PIEZO2: variants seen among roughly 807,000 people sequenced by gnomAD.
PIEZO2 encodes piezo type mechanosensitive ion channel component 2.
A neutral mutation model predicts 337.3 loss-of-function variants in PIEZO2; 172 were observed. The observed-to-expected ratio is 0.51, with a 90% CI of 0.45 to 0.58. PIEZO2 has a LOEUF of 0.58. PIEZO2 is among the 20% of genes least tolerant of loss of function. The probability of loss-of-function intolerance (pLI) is 0.00; values close to 1 mark genes in which losing one functional copy is unlikely to be tolerated. For missense variants in PIEZO2, 3,028 were observed against 3,391.3 expected, an observed-to-expected ratio of 0.89 and a Z score of 2.66; for synonymous variants, 1,251 against 1,228.5, an observed-to-expected ratio of 1.02 and a Z score of -0.38.
chr18:10,707,576 C>A lies in PIEZO2; in HGVS notation c.5588+699G>T, dbSNP rs1391971603. Reference sequence around the variant, plus strand: ...TGCTGACTTCATTGTGCCCCCTCACCATCCTAAGGCAATTCAAAAAGAGTT... The same window carrying A: ...TGCTGACTTCATTGTGCCCCCTCACAATCCTAAGGCAATTCAAAAAGAGTT... On this transcript the variant is annotated intron_variant, in intron 40 of 55. Coordinates refer to ENST00000674853, the MANE Select transcript of PIEZO2 (RefSeq NM_001378183.1). This position sits in a 1 kb window ranked among gnomAD's most constrained non-coding sequence, Gnocchi z 4.2. 6.6e-6 allele frequency among the ~76,000 whole-genome samples: 1 copy of A among 152,190 alleles called. No homozygotes were observed. The highest frequency in any genetic ancestry group is 1.5e-5 in the Non-Finnish European group (1 of 68,038).
intron 47 of PIEZO2, among the ~76,000 whole-genome samples, chr18:10,691,782 C>CACACACACACACACAT: frequency 3.1e-5 from 3 of 96,644 alleles, no homozygotes; most frequent in East Asian, 4.3e-4. Context: ...CACACACACA[C>CACACACACACACACAT]ATATATATAT....
intron 7 of PIEZO2, among the ~76,000 whole-genome samples, chr18:10,817,977 A>T (rs551865468): frequency 1.3e-5 from 2 of 151,930 alleles, no homozygotes; most frequent in South Asian, 4.2e-4. Flanking sequence ...CTATTACCTG[A>T]ATTAAACGTT....
At chr18:10,718,384 T>C in intron 36 of PIEZO2, 125 bp from the exon 37 acceptor site, 4 of 779,998 alleles carry the variant, frequency 5.1e-6, no homozygotes, top group Non-Finnish European at 8.3e-6. Context: ...CAAGAGTTCC[T>C]TGGGGAAAGG....
In PIEZO2 at chr18:10,794,775, G is replaced by A. The variant is rs2039518687; in HGVS notation, c.1755C>T (p.Ser585=). The A allele has an allele frequency of 6.6e-7, 1 of 1,522,310 alleles. No homozygotes were observed. The highest frequency in any genetic ancestry group is 8.8e-7 in the Non-Finnish European group (1 of 1,136,764). 94.3% of individuals were successfully genotyped at this position (1,522,310 alleles called of 1,614,324 possible). The change falls in exon 13 of 56, where the codon TCC becomes TCT. Residue 585 remains serine, a synonymous_variant. Coordinates refer to ENST00000674853, the MANE Select transcript of PIEZO2 (RefSeq NM_001378183.1). This position sits in a 1 kb window ranked among gnomAD's most constrained non-coding sequence, Gnocchi z 6.6. ...TTATTGTATTCTATTCACTTACTTT[G>A]GAAGCAAGTTCTCCTGGCTCTTTCT... is the stretch of plus-strand genomic sequence containing the variant. ...LEKKEPGELA[S]KILFTITFWL...
intron 4 of PIEZO2, among the ~76,000 whole-genome samples, chr18:10,906,978 G>A (rs977245090): frequency 1.3e-5 from 2 of 152,138 alleles, no homozygotes; most frequent in African/African-American, 4.8e-5. Context: ...TTAAAATCCA[G>A]TCTGAAATTG....
intron 9 of PIEZO2, among the ~76,000 whole-genome samples, chr18:10,803,319 C>A (rs1386595845): frequency 6.6e-6 from 1 of 152,108 alleles, no homozygotes; most frequent in Non-Finnish European, 1.5e-5. Flanking sequence ...TCAGAAAAGT[C>A]CACAAATATT....
At chr18:10,958,838 C>A (rs1374653790) in intron 3 of PIEZO2, among the ~76,000 whole-genome samples, 1 of 152,040 alleles carries the variant, frequency 6.6e-6, no homozygotes, top group African/African-American at 2.4e-5. Context: ...AATTTGGCCA[C>A]TTTGATATAA....
At chr18:10,939,420 T>C (rs995717641) in intron 3 of PIEZO2, among the ~76,000 whole-genome samples, 4 of 148,474 alleles carry the variant, frequency 2.7e-5, no homozygotes, top group Non-Finnish European at 6.0e-5. Flanking sequence ...TTACTGGGTA[T>C]ATACCCAAAG....
rs2040713171 is a variant in PIEZO2 at position 11,143,437 on chromosome 18, G to A, written c.64+5088C>T. Among the ~76,000 whole-genome samples the A allele has an allele frequency of 6.6e-6, 1 of 152,060 alleles. No individual in the cohort carries two copies. Among genetic ancestry groups the A allele is most frequent in the Admixed American group, 6.6e-5 (1 of 15,266 alleles). On this transcript the variant is annotated intron_variant, in intron 1 of 55. Transcript: ENST00000674853. This position sits in a 1 kb window ranked among gnomAD's most constrained non-coding sequence, Gnocchi z 4.9. The stretch of plus-strand genomic sequence containing the variant: ...ACATTAAATAAAGACTACAAAAATG[G>A]TGCTGAAAAACAAAAGCAAACGTTA...
rs2040146802 is a variant in PIEZO2, at chr18:11,125,115, T to G, written c.64+23410A>C. On this transcript the variant is annotated intron_variant, in intron 1 of 55. Transcript: ENST00000674853. The surrounding 1 kb of genome is among the most constrained non-coding windows in gnomAD (Gnocchi z 4.4). ...ATGTAAAATCTAGAGTCATACCCATTTCACAGAGCATTTGCAAATATTAAA... is the reference window on the plus strand; with the variant it reads ...ATGTAAAATCTAGAGTCATACCCATGTCACAGAGCATTTGCAAATATTAAA... 6.6e-6 allele frequency among the ~76,000 whole-genome samples: 1 copy of G among 151,912 alleles called. No individual in the cohort carries two copies. Among genetic ancestry groups the G allele is most frequent in the Non-Finnish European group, 1.5e-5 (1 of 68,022 alleles).
At chr18:11,005,717 A>G (rs1332369760) in intron 2 of PIEZO2, among the ~76,000 whole-genome samples, 2 of 152,226 alleles carry the variant, frequency 1.3e-5, no homozygotes, top group Non-Finnish European at 2.9e-5. Context: ...TTTCCCACAA[A>G]GAACACACAC....
chr18:10,693,955 T>C (rs1298735026), intron 47 of PIEZO2, among the ~76,000 whole-genome samples: 1 of 152,168 alleles, frequency 6.6e-6, no homozygotes, highest in East Asian at 1.9e-4. Flanking sequence ...AATTATAATA[T>C]TTGTACAAGC....
At position 10,795,875 on chromosome 18, in the gene PIEZO2, A is replaced by G. The variant is rs1213488495; in HGVS notation, c.1528-873T>C. ...AAGAATATTAGGTTTCTCAAAAATA[A>G]ATCAAATTTCCTAAGAAAATTTGTT... is the stretch of plus-strand genomic sequence containing the variant. On this transcript the variant is annotated intron_variant, in intron 12 of 55. Transcript: ENST00000674853. This position sits in a 1 kb window ranked among gnomAD's most constrained non-coding sequence, Gnocchi z 4.4. Among the ~76,000 whole-genome samples, 1 of 152,218 alleles carries G rather than the reference A, an allele frequency of 6.6e-6. No homozygotes were observed. Among genetic ancestry groups the G allele is most frequent in the Admixed American group, 6.5e-5 (1 of 15,280 alleles).
rs1037027825 is a variant in PIEZO2 at position 11,128,753 on chromosome 18, C to A, written c.64+19772G>T. ...TAAATAGACTAAAGTCCTGGCAGGT[C>A]CCTAAAGATGAGGTTGAAAGTGTGA... On this transcript the variant is annotated intron_variant, in intron 1 of 55. Coordinates refer to ENST00000674853, the MANE Select transcript of PIEZO2 (RefSeq NM_001378183.1). This position sits in a 1 kb window ranked among gnomAD's most constrained non-coding sequence, Gnocchi z 4.1. Among the ~76,000 whole-genome samples, 2 of 152,136 alleles carry A rather than the reference C, an allele frequency of 1.3e-5. No individual in the cohort carries two copies. The highest frequency in any genetic ancestry group is 4.8e-5 in the African/African-American group (2 of 41,410).
At position 10,773,685 on chromosome 18, in the gene PIEZO2, C is replaced by T. The variant is rs2038684480; in HGVS notation, c.2568-56G>A. ...GGAAAGGGTGTTGGGAGAGATTTGA[C>T]TGAGGGGCAAGTAAAAGGAGGATAA... On this transcript the variant is annotated intron_variant, in intron 19 of 55. Transcript: ENST00000674853. The surrounding 1 kb of genome is among the most constrained non-coding windows in gnomAD (Gnocchi z 5.3). The T allele has an allele frequency of 2.7e-6, 4 of 1,472,310 alleles. No individual in the cohort carries two copies. Among genetic ancestry groups the T allele is most frequent in the South Asian group, 2.4e-5 (2 of 82,562 alleles). The allele number at this position is 1,472,310 out of a possible 1,614,324, so 91.2% of individuals were successfully genotyped here. A position where few individuals can be genotyped will look rare whatever the true frequency, so the allele number is the denominator to read the frequency against.
chr18:11,057,563 G>A (rs1332354454), intron 2 of PIEZO2, among the ~76,000 whole-genome samples: 1 of 152,138 alleles, frequency 6.6e-6, no homozygotes, highest in Admixed American at 6.5e-5. Flanking sequence ...GCAGGGAGGT[G>A]GATTTCAGGT....
intron 40 of PIEZO2, among the ~76,000 whole-genome samples, chr18:10,706,342 T>G (rs1347925798): frequency 6.6e-6 from 1 of 152,214 alleles, no homozygotes; most frequent in Non-Finnish European, 1.5e-5. Flanking sequence ...ATCCTTTGCC[T>G]TTTTTGCATT....
At chr18:10,825,159 C>T (rs140880145) in intron 7 of PIEZO2, among the ~76,000 whole-genome samples, 31 of 152,206 alleles carry the variant, frequency 2.0e-4, no homozygotes, top group African/African-American at 7.2e-4. Flanking sequence ...CCATCATGCC[C>T]GGCCACCTAA....
chr18:10,772,433 C>T (rs766295218), intron 20 of PIEZO2, among the ~76,000 whole-genome samples: 5 of 152,154 alleles, frequency 3.3e-5, no homozygotes, highest in Non-Finnish European at 7.3e-5. Flanking sequence ...AGACTTAAGT[C>T]CTTGGCCTCA....
Sources: gnomAD v4.1 joint callset for allele counts (sites outside exome capture counted in the v4.1 genomes callset) on GRCh38, gnomAD v4.1.1 for gene constraint, Gnocchi (gnomAD v3.1) non-coding constraint, MANE v1.5 for transcripts, NCBI Gene and HGNC (gene_info 2026-07-23, HGNC 2026-07-21) for gene names.